CACHD1: variants seen among roughly 807,000 people sequenced by gnomAD.
The protein encoded by CACHD1 is VWFA and cache domain-containing protein 1.
Under a neutral mutation model 138.7 loss-of-function variants are expected in CACHD1, and 71 were observed. The observed-to-expected ratio is 0.51, with a 90% CI of 0.42 to 0.62. CACHD1 has a LOEUF of 0.62. Ranked by LOEUF, CACHD1 falls within the 20% of genes least tolerant of loss-of-function variation. The pLI is 0.00. For missense variants in CACHD1, 1,389 were observed against 1,625.3 expected, an observed-to-expected ratio of 0.85 and a Z score of 2.50; for synonymous variants, 578 against 591.5, an observed-to-expected ratio of 0.98 and a Z score of 0.33.
At chr1:64,484,558 C>G (rs1209602026) in intron 1 of CACHD1, among the ~76,000 whole-genome samples, 1 of 152,192 alleles carries the variant, frequency 6.6e-6, no homozygotes. Context: ...TTCATATTGT[C>G]GTGTAACCAT....
intron 8 of CACHD1, among the ~76,000 whole-genome samples, chr1:64,643,645 G>A (rs973904413): frequency 4.6e-5 from 7 of 152,216 alleles, no homozygotes; most frequent in South Asian, 2.1e-4. Flanking sequence ...GACCATCCTG[G>A]CTAACACGGT....
intron 4 of CACHD1, among the ~76,000 whole-genome samples, chr1:64,622,820 A>G (rs1244511694): frequency 6.6e-6 from 1 of 152,226 alleles, no homozygotes; most frequent in Non-Finnish European, 1.5e-5. Flanking sequence ...ATGATGCTCA[A>G]TACATTTTCA....
intron 4 of CACHD1, among the ~76,000 whole-genome samples, chr1:64,622,775 T>C (rs1647961988): frequency 6.6e-6 from 1 of 152,218 alleles, no homozygotes; most frequent in South Asian, 2.1e-4. Context: ...AAGGTAATTG[T>C]GAAAAGTAGT....
chr1:64,585,984 T>G (rs1335357088), intron 3 of CACHD1, among the ~76,000 whole-genome samples: 1 of 151,530 alleles, frequency 6.6e-6, no homozygotes, highest in Admixed American at 6.6e-5. Flanking sequence ...CTAGCCACCT[T>G]TGTTCCAACC....
intron 26 of CACHD1, among the ~76,000 whole-genome samples, chr1:64,685,028 C>T (rs934992074): frequency 1.8e-4 from 28 of 152,070 alleles, no homozygotes; most frequent in Non-Finnish European, 2.4e-4. Context: ...AGGCTGGTCT[C>T]GAACTCCCAA....
intron 13 of CACHD1, 44 bp downstream of exon 13, chr1:64,658,917 C>T (rs1393880681): frequency 5.5e-6 from 8 of 1,463,608 alleles, no homozygotes; most frequent in South Asian, 1.4e-5. Flanking sequence ...CTTAGCAGCT[C>T]ACTGTAAATA....
At chr1:64,586,165 G>A (rs1174035174) in intron 3 of CACHD1, among the ~76,000 whole-genome samples, 1 of 152,154 alleles carries the variant, frequency 6.6e-6, no homozygotes, top group African/African-American at 2.4e-5. Flanking sequence ...CCAGGCTCAA[G>A]CGCTTCTCAC....
intron 1 of CACHD1, among the ~76,000 whole-genome samples, chr1:64,473,468 C>G (rs138304701): frequency 1.2e-3 from 183 of 152,062 alleles, no homozygotes; most frequent in African/African-American, 4.3e-3. Flanking sequence ...TTATATAGCC[C>G]TCCCTGCAGC....
Position 64,673,158 on chromosome 1 carries a change from G to A in CACHD1, c.2511G>A (p.Arg837=), listed in dbSNP as rs536529670. 5.8e-5 allele frequency: 94 copies of A among 1,612,612 alleles called. 1 individual carries two copies. The South Asian group carries it at 8.1e-4, about 14-fold the overall frequency. ...AGGGGCATAACTTGTTTTGGTACAG[G>A]TGCTTCATAATGGAGGACAGGGGTT... is the stretch of plus-strand genomic sequence containing the variant. ...VCNQDGGNKI[R]CFIMEDRGYL... is the part of the protein sequence containing the mutation. The change falls in exon 18 of 27, where the codon AGG becomes AGA. Residue 837 remains arginine, a splice_region_variant and synonymous_variant. Transcript: ENST00000651257.
intron 4 of CACHD1, among the ~76,000 whole-genome samples, chr1:64,627,858 C>T (rs948889306): frequency 2.0e-5 from 3 of 151,982 alleles, no homozygotes; most frequent in African/African-American, 4.8e-5. Flanking sequence ...ATACGGGGGA[C>T]AAGGCCAACC....
rs1266031943 is a variant in CACHD1 at position 64,678,244 on chromosome 1, C to G, written c.3178C>G (p.Gln1060Glu). 1.2e-6 allele frequency: 2 copies of G among 1,611,050 alleles called. No homozygotes were observed. The highest frequency in any genetic ancestry group is 1.7e-4 in the Middle Eastern group (1 of 6,054). The change falls in exon 23 of 27, where the codon CAG becomes GAG. Residue 1060 changes from glutamine to glutamate, a missense_variant. Gln to Glu is a conservative substitution (Grantham distance 29). Transcript: ENST00000651257. Reference sequence around the variant, plus strand: ...CCTGGACAAACCCTACTGTGCCCCCCAGAAAGAATGCTTCGGGGGGATTGT... The same window carrying G: ...CCTGGACAAACCCTACTGTGCCCCCGAGAAAGAATGCTTCGGGGGGATTGT... The part of the protein sequence containing the change: ...THLDKPYCAP[Q>E]KECFGGIVGA...
intron 1 of CACHD1, among the ~76,000 whole-genome samples, chr1:64,535,274 A>C (rs1052867568): frequency 6.6e-6 from 1 of 150,966 alleles, no homozygotes; most frequent in East Asian, 1.9e-4. Context: ...TTTGTTAAGA[A>C]ATTTCTTTTA....
intron 26 of CACHD1, among the ~76,000 whole-genome samples, chr1:64,682,490 G>T (rs1463937736): frequency 6.6e-6 from 1 of 152,160 alleles, no homozygotes; most frequent in Non-Finnish European, 1.5e-5. Flanking sequence ...GCATTCTCTT[G>T]CCCTGACCTC....
At position 64,641,962 on chromosome 1, in the gene CACHD1, C is replaced by T; in HGVS notation, c.1149C>T (p.Leu383=). 1 of 1,569,808 alleles carries T rather than the reference C, an allele frequency of 6.4e-7. No homozygotes were observed. The highest frequency in any genetic ancestry group is 8.6e-7 in the Non-Finnish European group (1 of 1,164,000). The change falls in exon 8 of 27, where the codon CTC becomes CTT. Residue 383 remains leucine, a synonymous_variant. Transcript: ENST00000651257. ...NNSVMILTYA[L]MNDGVTGLKE... The stretch of plus-strand genomic sequence containing the variant: ...CTGTAATGATTCTCACCTATGCCCT[C>T]ATGAACGGTAGGTAGAGTTTCAAGA...
At chr1:64,514,546 G>A (rs1242665501) in intron 1 of CACHD1, among the ~76,000 whole-genome samples, 2 of 152,202 alleles carry the variant, frequency 1.3e-5, no homozygotes, top group Non-Finnish European at 2.9e-5. Context: ...GGGCAGTGGG[G>A]GAGGAATGCA....
chr1:64,530,512 GTT>G (rs886867828), intron 1 of CACHD1, among the ~76,000 whole-genome samples: 1 of 149,636 alleles, frequency 6.7e-6, no homozygotes, highest in Non-Finnish European at 1.5e-5. Flanking sequence ...ATGGTGAAGA[GTT>G]TTTTTTTTCT....
chr1:64,652,408 A>G, intron 10 of CACHD1, 98 bp downstream of exon 10: 1 of 1,112,226 alleles, frequency 9.0e-7, no homozygotes. Flanking sequence ...ATGATAGTGT[A>G]AAGAAGAGCA....
In CACHD1 at chr1:64,559,839, G is replaced by C. The variant is rs530989450; in HGVS notation, c.261+9183G>C. On this transcript the variant is annotated intron_variant, in intron 2 of 26. Coordinates refer to ENST00000651257, the MANE Select transcript of CACHD1 (RefSeq NM_020925.4). ...CCAGTTTCTTTAATAGATATAGATAGAGTTTCTTATTTTGTTTTTGCTGCT... is the reference window on the plus strand; with the variant it reads ...CCAGTTTCTTTAATAGATATAGATACAGTTTCTTATTTTGTTTTTGCTGCT... 1.5e-3 allele frequency among the ~76,000 whole-genome samples: 221 copies of C among 152,036 alleles called. 2 individuals carry two copies. Among genetic ancestry groups the C allele is most frequent in the African/African-American group, 5.1e-3 (212 of 41,512 alleles).
chr1:64,501,047 CAAAA>C (rs367553078), intron 1 of CACHD1, among the ~76,000 whole-genome samples: 1 of 105,214 alleles, frequency 9.5e-6, no homozygotes, highest in Non-Finnish European at 2.0e-5. Context: ...GATTCTGTCT[CAAAA>C]AAAAAAAAAA....
Sources: gnomAD v4.1 joint callset for allele counts (sites outside exome capture counted in the v4.1 genomes callset) on GRCh38, gnomAD v4.1.1 for gene constraint, MANE v1.5 for transcripts, NCBI Gene and HGNC (gene_info 2026-07-23, HGNC 2026-07-21) for gene names.